Variants in CCDC141 observed in about 807,000 individuals in gnomAD.
The protein encoded by CCDC141 is coiled-coil domain-containing protein 141.
In CCDC141, 168 loss-of-function variants were observed where a neutral mutation model predicts 181.0. The ratio of observed to expected loss-of-function variants is 0.93; its 90% CI spans 0.82 to 1.05. The LOEUF (loss-of-function observed/expected upper bound fraction) is 1.05, where lower values mean the gene tolerates loss of function less well. CCDC141 is among the 50% of genes least tolerant of loss of function. CCDC141 has a pLI of 0.00. For missense variants in CCDC141, 1,902 were observed against 1,788.5 expected (o/e 1.06, Z -1.14); for synonymous variants, 666 against 642.3 (o/e 1.04, Z -0.56).
intron 2 of CCDC141, among the ~76,000 whole-genome samples, chr2:179,015,099 T>TATAA (rs2042412276): frequency 2.0e-5 from 1 of 50,534 alleles, no homozygotes. Flanking sequence ...TATATATATA[T>TATAA]ATATAATATA....
intron 2 of CCDC141, among the ~76,000 whole-genome samples, chr2:178,983,013 G>A (rs1234775046): frequency 6.6e-6 from 1 of 152,162 alleles, no homozygotes; most frequent in Non-Finnish European, 1.5e-5. Flanking sequence ...CTGGGGGCAG[G>A]GCACAGACAA....
the CCDC141 span, among the ~76,000 whole-genome samples, chr2:178,819,481 A>G: frequency 9.8e-5 from 15 of 152,360 alleles, no homozygotes; most frequent in East Asian, 2.7e-3. Flanking sequence ...AGCTTTGTGA[A>G]GAGCACATTA....
chr2:178,886,209 A>T (rs1465597812), intron 10 of CCDC141, among the ~76,000 whole-genome samples: 1 of 151,980 alleles, frequency 6.6e-6, no homozygotes, highest in Non-Finnish European at 1.5e-5. Flanking sequence ...TTGCTGGAGC[A>T]GACAGAAACT....
At chr2:178,835,145 T>A (rs1453075222) in intron 23 of CCDC141, among the ~76,000 whole-genome samples, 1 of 152,138 alleles carries the variant, frequency 6.6e-6, no homozygotes, top group Admixed American at 6.5e-5. Context: ...ACAGCAGCTG[T>A]GACTCCTTAT....
At chr2:178,819,218 T>C in the CCDC141 span, among the ~76,000 whole-genome samples, 3 of 152,184 alleles carry the variant, frequency 2.0e-5, no homozygotes, top group Non-Finnish European at 4.4e-5. Flanking sequence ...CCTACACAAC[T>C]TTTTTTGCTG....
chr2:178,895,441 C>A (rs1687361228), intron 8 of CCDC141, among the ~76,000 whole-genome samples: 1 of 152,136 alleles, frequency 6.6e-6, no homozygotes, highest in Non-Finnish European at 1.5e-5. Flanking sequence ...GGGATCTTTG[C>A]TACTTCACAT....
At chr2:179,013,367 T>C (rs144141481) in intron 2 of CCDC141, among the ~76,000 whole-genome samples, 233 of 152,100 alleles carry the variant, frequency 1.5e-3, no homozygotes, top group Non-Finnish European at 2.6e-3. Context: ...CCTTTTACAA[T>C]GGCTGCAAAA....
chr2:178,988,485 AT>A (rs1691868671), intron 2 of CCDC141, among the ~76,000 whole-genome samples: 1 of 121,806 alleles, frequency 8.2e-6, no homozygotes, highest in South Asian at 2.5e-4. Flanking sequence ...AAAATAAATA[AT>A]AAAAAAAAAG....
intron 23 of CCDC141, among the ~76,000 whole-genome samples, chr2:178,835,587 T>G (rs1684443934): frequency 6.6e-6 from 1 of 152,224 alleles, no homozygotes; most frequent in Admixed American, 6.5e-5. Flanking sequence ...TGAAAGCTTG[T>G]CAGTTATTAA....
At chr2:178,822,523 T>C in the CCDC141 span, among the ~76,000 whole-genome samples, 1 of 152,022 alleles carries the variant, frequency 6.6e-6, no homozygotes, top group Non-Finnish European at 1.5e-5. Flanking sequence ...AAACAAGTGC[T>C]CCCTTCTCTA....
intron 2 of CCDC141, among the ~76,000 whole-genome samples, chr2:179,025,143 C>T (rs2042799431): frequency 6.6e-6 from 1 of 151,690 alleles, no homozygotes; most frequent in Non-Finnish European, 1.5e-5. Flanking sequence ...ATCAGGGATA[C>T]ATGTGCAGGT....
intron 5 of CCDC141, among the ~76,000 whole-genome samples, chr2:178,957,951 TATTA>T (rs1690230291): frequency 6.6e-6 from 1 of 152,138 alleles, no homozygotes; most frequent in African/African-American, 2.4e-5. Flanking sequence ...TTGTCTAGAA[TATTA>T]TTTAGCTTTA....
In CCDC141 at chr2:178,962,637, TC is replaced by T. The variant is rs1359174562; in HGVS notation, c.527-1155del. On this transcript the variant is annotated intron_variant, in intron 4 of 23. Transcript: ENST00000443758. The stretch of plus-strand genomic sequence containing the variant: ...TCTTTTCCTTCTTTCCTTCTTTCTT[TC>T]CTTTCCTTCTTTCTTTCTTTCCTCT... Among the ~76,000 whole-genome samples the T allele has an allele frequency of 4.1e-4, 49 of 120,308 alleles. 1 individual carries two copies. The South Asian group carries it at 0.014, about 34-fold the overall frequency. The allele number at this position is 120,308 out of a possible 152,430, so 78.9% of individuals were successfully genotyped here.
At chr2:179,015,251 A>C (rs571133111) in intron 2 of CCDC141, among the ~76,000 whole-genome samples, 2 of 107,834 alleles carry the variant, frequency 1.9e-5, no homozygotes, top group Admixed American at 2.1e-4. Context: ...TCTCATATAT[A>C]TCTCATATAT....
At chr2:178,855,893 A>G (rs1685363954) in intron 18 of CCDC141, among the ~76,000 whole-genome samples, 1 of 152,196 alleles carries the variant, frequency 6.6e-6, no homozygotes, top group South Asian at 2.1e-4. Context: ...TAATCAAGGT[A>G]AGAATAAGAG....
intron 2 of CCDC141, among the ~76,000 whole-genome samples, chr2:179,008,069 C>T (rs1001942528): frequency 1.2e-4 from 18 of 152,110 alleles, no homozygotes; most frequent in African/African-American, 4.1e-4. Flanking sequence ...GATATTTTAT[C>T]AAAATGACTG....
intron 2 of CCDC141, among the ~76,000 whole-genome samples, chr2:179,011,576 A>G (rs960192445): frequency 6.6e-6 from 1 of 152,184 alleles, no homozygotes; most frequent in East Asian, 1.9e-4. Context: ...CAAGACAGAA[A>G]GTCAACAAAG....
At chr2:178,914,434 T>C (rs539427482) in intron 7 of CCDC141, among the ~76,000 whole-genome samples, 108 of 152,336 alleles carry the variant, frequency 7.1e-4, no homozygotes, top group African/African-American at 2.6e-3. Context: ...TTCCTAATGC[T>C]GTCTCAACAT....
chr2:178,987,533 C>T (rs1691813290), intron 2 of CCDC141, among the ~76,000 whole-genome samples: 2 of 151,924 alleles, frequency 1.3e-5, no homozygotes, highest in South Asian at 4.2e-4. Flanking sequence ...GAACAGGCAA[C>T]CTACAACATG....
Sources: allele counts gnomAD v4.1 joint callset (sites outside exome capture counted in the v4.1 genomes callset), GRCh38; gene constraint gnomAD v4.1.1; transcripts MANE v1.5; gene names NCBI Gene and HGNC (gene_info 2026-07-23, HGNC 2026-07-21).